PLAA: variants seen among roughly 807,000 people sequenced by gnomAD.
PLAA encodes phospholipase A2 activating protein.
PLAA carries 48 observed loss-of-function variants against 84.1 expected under a neutral mutation model. The observed-to-expected ratio is 0.57, with a 90% CI of 0.45 to 0.73. The LOEUF (loss-of-function observed/expected upper bound fraction) is 0.73, where lower values mean the gene tolerates loss of function less well. Ranked by LOEUF, PLAA falls within the 30% of genes least tolerant of loss-of-function variation. PLAA has a pLI of 0.00. For synonymous variants in PLAA, 392 were observed against 336.6 expected (o/e 1.16, Z -1.80); for missense variants, 903 against 954.7 (o/e 0.95, Z 0.71).
At chr9:26,915,389 C>G (rs1824516932) in intron 10 of PLAA, among the ~76,000 whole-genome samples, 1 of 152,198 alleles carries the variant, frequency 6.6e-6, no homozygotes, top group Non-Finnish European at 1.5e-5. Flanking sequence ...CTTCCCAGAT[C>G]ATTCTAATAA....
At chr9:26,941,311 T>A (rs769362840) in intron 1 of PLAA, among the ~76,000 whole-genome samples, 4 of 151,964 alleles carry the variant, frequency 2.6e-5, no homozygotes, top group Admixed American at 2.6e-4. Flanking sequence ...GATAGTTGAG[T>A]CTTGGGAGTG....
chr9:26,946,995 G>C lies in PLAA; in HGVS notation c.51C>G (p.His17Gln). The change falls in exon 1 of 14, where the codon CAC becomes CAG. Residue 17 changes from histidine to glutamine, a missense_variant. By Grantham distance (24) the His-to-Gln change is conservative (BLOSUM62 0). Transcript: ENST00000397292. ...RYRLSCSLRG[H>Q]ELDVRGLVCC... ...ACACCAGGCCCCGTACGTCCAGCTCGTGGCCCCGGAGCGAGCAGCTCAGCC... is the reference window on the plus strand; with the variant it reads ...ACACCAGGCCCCGTACGTCCAGCTCCTGGCCCCGGAGCGAGCAGCTCAGCC... 2 of 1,595,016 alleles carry C rather than the reference G, an allele frequency of 1.3e-6. No individual in the cohort carries two copies. Among genetic ancestry groups the C allele is most frequent in the Non-Finnish European group, 1.7e-6 (2 of 1,171,604 alleles).
At chr9:26,906,854 C>T (rs1455446647) in intron 13 of PLAA, among the ~76,000 whole-genome samples, 7 of 151,670 alleles carry the variant, frequency 4.6e-5, no homozygotes, top group Non-Finnish European at 1.0e-4. Context: ...CTTAGCATCA[C>T]TAAAGGTGAG....
At chr9:26,918,102 A>C (rs1824623655) in intron 9 of PLAA, among the ~76,000 whole-genome samples, 1 of 151,764 alleles carries the variant, frequency 6.6e-6, no homozygotes, top group Non-Finnish European at 1.5e-5. Context: ...TACTTTGATA[A>C]TTTTTTTTAA....
intron 2 of PLAA, among the ~76,000 whole-genome samples, chr9:26,931,244 T>C (rs1825173340): frequency 6.6e-6 from 1 of 152,180 alleles, no homozygotes; most frequent in African/African-American, 2.4e-5. Context: ...ATTTATTCTG[T>C]CTTTTCTGTA....
chr9:26,918,798 T>A (rs1824658306), intron 9 of PLAA, among the ~76,000 whole-genome samples: 1 of 152,170 alleles, frequency 6.6e-6, no homozygotes, highest in African/African-American at 2.4e-5. Flanking sequence ...ACTAGTACCA[T>A]TAGGATTACA....
chr9:26,922,494 G>A (rs775458027), intron 7 of PLAA, among the ~76,000 whole-genome samples: 1 of 151,988 alleles, frequency 6.6e-6, no homozygotes, highest in African/African-American at 2.4e-5. Flanking sequence ...TGGACATCCT[G>A]AAAGGATCTC....
chr9:26,917,964 C>T (rs1463622769), intron 9 of PLAA, among the ~76,000 whole-genome samples: 2 of 152,222 alleles, frequency 1.3e-5, no homozygotes, highest in African/African-American at 2.4e-5. Context: ...CACAGTACTA[C>T]AATCTGTGTT....
chr9:26,926,883 T>G (rs749141503), intron 4 of PLAA, among the ~76,000 whole-genome samples: 7 of 151,634 alleles, frequency 4.6e-5, no homozygotes, highest in Non-Finnish European at 8.8e-5. Flanking sequence ...GAGTAATTTA[T>G]AAAATATATA....
At chr9:26,927,127 C>CTT (rs10672584) in intron 4 of PLAA, among the ~76,000 whole-genome samples, 1 of 136,784 alleles carries the variant, frequency 7.3e-6, no homozygotes, top group African/African-American at 2.8e-5. Context: ...TTTTGTTTTT[C>CTT]TTTTTTTTTT....
chr9:26,946,435 G>A (rs1825716218), intron 1 of PLAA, among the ~76,000 whole-genome samples: 1 of 151,000 alleles, frequency 6.6e-6, no homozygotes, highest in Non-Finnish European at 1.5e-5. Flanking sequence ...GACGAAAAGA[G>A]GATTCACCAG....
At chr9:26,913,740 G>A in intron 11 of PLAA, 139 bp downstream of exon 11, 1 of 589,994 alleles carries the variant, frequency 1.7e-6, no homozygotes, top group South Asian at 2.3e-5. Flanking sequence ...AACTCAAAAA[G>A]CCAGACAAGT....
intron 12 of PLAA, among the ~76,000 whole-genome samples, chr9:26,909,689 C>A (rs553301280): frequency 6.6e-6 from 1 of 151,214 alleles, no homozygotes; most frequent in Non-Finnish European, 1.5e-5. Context: ...GGCGCGATCT[C>A]GGGCTCACTG....
At chr9:26,932,370 T>C (rs952875156) in intron 2 of PLAA, among the ~76,000 whole-genome samples, 19 of 152,234 alleles carry the variant, frequency 1.2e-4, no homozygotes, top group African/African-American at 4.6e-4. Flanking sequence ...TTTTTACGTA[T>C]TGAAGTAATT....
chr9:26,941,248 A>G (rs1351543669), intron 1 of PLAA, among the ~76,000 whole-genome samples: 8 of 152,082 alleles, frequency 5.3e-5, no homozygotes, highest in Non-Finnish European at 1.0e-4. Context: ...GTACTCAGCA[A>G]AAGTCTGAAG....
At chr9:26,909,752 T>A (rs1180153240) in intron 12 of PLAA, among the ~76,000 whole-genome samples, 1 of 151,584 alleles carries the variant, frequency 6.6e-6, no homozygotes, top group East Asian at 1.9e-4. Flanking sequence ...GCCTCCAGAG[T>A]AGCTGGGATT....
intron 3 of PLAA, 40 bp downstream of exon 3, chr9:26,928,268 C>T (rs766221951): frequency 5.6e-6 from 9 of 1,613,784 alleles, no homozygotes; most frequent in Non-Finnish European, 6.8e-6. Context: ...AATCATTCAA[C>T]TTAATTATTC....
intron 11 of PLAA, among the ~76,000 whole-genome samples, chr9:26,911,968 C>T (rs370127004): frequency 2.6e-5 from 4 of 152,072 alleles, no homozygotes; most frequent in East Asian, 3.9e-4. Flanking sequence ...ATGAGCCATA[C>T]ACACATTGCC....
intron 5 of PLAA, 45 bp from the exon 6 acceptor site, chr9:26,926,005 G>A (rs376411692): frequency 7.8e-5 from 116 of 1,493,136 alleles, no homozygotes; most frequent in Non-Finnish European, 1.0e-4. Context: ...ATAAAATTAA[G>A]TACATTTATA....
Sources: gnomAD v4.1 joint callset for allele counts (sites outside exome capture counted in the v4.1 genomes callset) on GRCh38, gnomAD v4.1.1 for gene constraint, MANE v1.5 for transcripts, NCBI Gene and HGNC (gene_info 2026-07-23, HGNC 2026-07-21) for gene names.